The following ACOT7 variants were observed in gnomAD, a reference collection of about 807,000 sequenced individuals.
ACOT7 encodes the protein acyl-CoA thioesterase 7.
ACOT7 carries 12 observed loss-of-function variants against 40.2 expected under a neutral mutation model. That is an observed-to-expected ratio of 0.30 (90% CI 0.19 to 0.48). The LOEUF is 0.48. ACOT7 is among the 20% of genes least tolerant of loss of function. The pLI is 0.99. For synonymous variants in ACOT7, 228 were observed against 219.5 expected, an observed-to-expected ratio of 1.04 and a Z score of -0.34; for missense variants, 395 against 530.8, an observed-to-expected ratio of 0.74 and a Z score of 2.51.
intron 6 of ACOT7, 100 bp from the exon 7 acceptor site, chr1:6,295,080 G>C: frequency 1.2e-6 from 1 of 865,058 alleles, no homozygotes; most frequent in South Asian, 1.5e-5. Flanking sequence ...CCTCCCACTA[G>C]CCACCAGCAA....
chr1:6,285,316 C>G (rs927460927), intron 7 of ACOT7, among the ~76,000 whole-genome samples: 2 of 152,228 alleles, frequency 1.3e-5, no homozygotes, highest in Non-Finnish European at 2.9e-5. Flanking sequence ...GGCCAGCAGC[C>G]CCTTCCAAGC....
chr1:6,292,683 T>G (rs1639702010), intron 7 of ACOT7, among the ~76,000 whole-genome samples: 1 of 145,344 alleles, frequency 6.9e-6, no homozygotes, highest in South Asian at 2.1e-4. Flanking sequence ...TTTGTTTTTT[T>G]GTGTTTTTTT....
intron 4 of ACOT7, among the ~76,000 whole-genome samples, chr1:6,328,871 G>A (rs570530352): frequency 2.0e-5 from 3 of 152,262 alleles, no homozygotes; most frequent in South Asian, 4.1e-4. Flanking sequence ...CTCGGGGCCT[G>A]TGTGCTGGCC....
At chr1:6,327,496 T>C (rs1341026113) in intron 4 of ACOT7, 83 bp from the exon 5 acceptor site, 13 of 1,194,328 alleles carry the variant, frequency 1.1e-5, no homozygotes, top group Non-Finnish European at 1.6e-5. Flanking sequence ...CAGGCCCTTA[T>C]AGCCTTGTGT....
Position 6,264,360 on chromosome 1 carries a change from A to G in ACOT7, c.*237T>C. 2.0e-6 allele frequency: 1 copy of G among 509,084 alleles called. No individual in the cohort carries two copies. The highest frequency in any genetic ancestry group is 3.4e-6 in the Non-Finnish European group (1 of 291,602). 31.5% of individuals were successfully genotyped at this position (509,084 alleles called of 1,614,324 possible). A position where few individuals can be genotyped will look rare whatever the true frequency, so the allele number is the denominator to read the frequency against. ...AAGCATTCCCGAGGGTTTCTGCCCA[A>G]CGCCTCCCGGCGCTCGGGACAACAC... On this transcript the variant is annotated 3_prime_UTR_variant, in exon 9 of 9. Coordinates refer to ENST00000361521, the MANE Select transcript of ACOT7 (RefSeq NM_007274.4).
At chr1:6,329,771 G>C (rs1025033015) in intron 4 of ACOT7, among the ~76,000 whole-genome samples, 2 of 151,852 alleles carry the variant, frequency 1.3e-5, no homozygotes, top group African/African-American at 4.8e-5. Flanking sequence ...CTGAGAGACA[G>C]GCTGTGAACC....
intron 2 of ACOT7, among the ~76,000 whole-genome samples, chr1:6,345,369 A>G (rs1233527511): frequency 6.6e-6 from 1 of 152,262 alleles, no homozygotes; most frequent in African/African-American, 2.4e-5. Flanking sequence ...AGAGCCTAAA[A>G]GAACAGCTCT....
intron 1 of ACOT7, among the ~76,000 whole-genome samples, chr1:6,377,348 C>A (rs901728242): frequency 6.6e-6 from 1 of 152,000 alleles, no homozygotes; most frequent in African/African-American, 2.4e-5. Flanking sequence ...CCAGCCTGGA[C>A]AACATAGCGA....
chr1:6,297,785 G>A (rs529399986), intron 6 of ACOT7, among the ~76,000 whole-genome samples: 42 of 152,278 alleles, frequency 2.8e-4, no homozygotes, highest in South Asian at 1.5e-3. Context: ...GATCTGCTTC[G>A]AAATACCGCA....
chr1:6,312,331 TAA>T (rs1282418433), intron 6 of ACOT7, among the ~76,000 whole-genome samples: 3 of 152,144 alleles, frequency 2.0e-5, no homozygotes, highest in Admixed American at 1.3e-4. Flanking sequence ...TCAAAATAAC[TAA>T]AAGAGTGTAA....
At chr1:6,370,487 T>C (rs1471726435) in intron 1 of ACOT7, among the ~76,000 whole-genome samples, 2 of 147,204 alleles carry the variant, frequency 1.4e-5, no homozygotes, top group Non-Finnish European at 3.0e-5. Context: ...ATTATTATTA[T>C]TATTATTATT....
chr1:6,351,895 C>G (rs888062735), intron 1 of ACOT7, among the ~76,000 whole-genome samples: 2 of 152,244 alleles, frequency 1.3e-5, no homozygotes, highest in African/African-American at 4.8e-5. Context: ...GCCTTTAAGA[C>G]AGAAGACCAG....
In ACOT7 at chr1:6,393,337, C is replaced by G; in HGVS notation, c.63G>C (p.Gln21His). Residue 21 changes from glutamine (Q) to histidine (H), a missense_variant, in exon 1 of 9, where the codon CAG (glutamine) becomes CAC (histidine). Physicochemically the swap from Gln to His is conservative, Grantham distance 24 (BLOSUM62 0). This residue lies in a region of ACOT7 where 86 missense variants were observed against 60.5 expected (regional missense o/e 1.42). Coordinates refer to ENST00000361521, the MANE Select transcript of ACOT7 (RefSeq NM_007274.4). The part of the protein sequence containing the change: ...PGLPDTCALL[Q>H]PPAASAAAAP... ...CTGCGGCGGCGGATGCGGCGGGCGGCTGCAGAAGGGCGCAGGTGTCTGGCA... is the reference window on the plus strand; with the variant it reads ...CTGCGGCGGCGGATGCGGCGGGCGGGTGCAGAAGGGCGCAGGTGTCTGGCA... The G allele has an allele frequency of 7.9e-7, 1 of 1,257,996 alleles. No individual in the cohort carries two copies. The highest frequency in any genetic ancestry group is 1.0e-6 in the Non-Finnish European group (1 of 1,002,074). The allele number at this position is 1,257,996 out of a possible 1,614,324, so 77.9% of individuals were successfully genotyped here.
rs532226049 is a variant in ACOT7, at chr1:6,311,532, A to C, written c.712+6960T>G. Among the ~76,000 whole-genome samples, 2 of 152,120 alleles carry C rather than the reference A, an allele frequency of 1.3e-5. No homozygotes were observed. Among genetic ancestry groups the C allele is most frequent in the Non-Finnish European group, 2.9e-5 (2 of 68,028 alleles). On this transcript the variant is annotated intron_variant, in intron 6 of 8. Coordinates refer to ENST00000361521, the MANE Select transcript of ACOT7 (RefSeq NM_007274.4). This position sits in a 1 kb window ranked among gnomAD's most constrained non-coding sequence, Gnocchi z 5.2. ...GTCCGCAAGGTTCAATCTGCCCCTCAAGGTATCTCAACTCCCTCCGTCCCC... is the reference window on the plus strand; with the variant it reads ...GTCCGCAAGGTTCAATCTGCCCCTCCAGGTATCTCAACTCCCTCCGTCCCC...
At chr1:6,292,150 T>C (rs1557635015) in intron 7 of ACOT7, among the ~76,000 whole-genome samples, 1 of 152,232 alleles carries the variant, frequency 6.6e-6, no homozygotes, top group Non-Finnish European at 1.5e-5. Flanking sequence ...CCAGACTCCA[T>C]GGCTGCTATT....
intron 1 of ACOT7, among the ~76,000 whole-genome samples, chr1:6,356,428 AGCTCAGCACCCTCAGCCCC>A (rs1354629248): frequency 7.3e-5 from 11 of 151,622 alleles, no homozygotes; most frequent in Admixed American, 1.3e-4. Context: ...CCCTCAGCCC[AGCTCAGCACCCTCAGCCCC>A]GCTCAGCACC....
chr1:6,354,939 A>G (rs148236807), intron 1 of ACOT7, among the ~76,000 whole-genome samples: 12 of 151,404 alleles, frequency 7.9e-5, no homozygotes, highest in Non-Finnish European at 1.5e-4. Flanking sequence ...CCCCAGGACC[A>G]AGTCACTCCC....
chr1:6,270,400 GGGGCACTGGCCAGTGGTGCCAGCTGCC>G (rs1355450820), intron 8 of ACOT7, among the ~76,000 whole-genome samples: 1 of 152,216 alleles, frequency 6.6e-6, no homozygotes, highest in Non-Finnish European at 1.5e-5. Context: ...TGGAGCCTCT[GGGGCACTGGCCAGTGGTGCCAGCTGCC>G]GGGCACCCAC....
At chr1:6,300,565 C>CTG (rs1203132442) in intron 6 of ACOT7, among the ~76,000 whole-genome samples, 1 of 149,748 alleles carries the variant, frequency 6.7e-6, no homozygotes, top group African/African-American at 2.5e-5. Flanking sequence ...CCACCCGATC[C>CTG]TGATGCGCGG....
Sources: allele counts gnomAD v4.1 joint callset (sites outside exome capture counted in the v4.1 genomes callset), GRCh38; gene constraint gnomAD v4.1.1; regional missense constraint gnomAD v4.1.1; non-coding constraint Gnocchi (gnomAD v3.1); transcripts MANE v1.5; gene names NCBI Gene and HGNC (gene_info 2026-07-23, HGNC 2026-07-21).